Variants in SBF2 observed in about 807,000 individuals in gnomAD.
The protein encoded by SBF2 is myotubularin-related protein 13.
A neutral mutation model predicts 225.2 loss-of-function variants in SBF2; 112 were observed. The observed-to-expected ratio is 0.50, with a 90% CI of 0.43 to 0.58. The LOEUF is 0.58. Ranked by LOEUF, SBF2 falls within the 20% of genes least tolerant of loss-of-function variation. SBF2 has a pLI of 0.00. For missense variants in SBF2, 1,996 were observed against 2,206.2 expected (o/e 0.90, Z 1.91); for synonymous variants, 763 against 773.3 (o/e 0.99, Z 0.22).
chr11:10,022,699 A>G (rs1048511622), intron 6 of SBF2, among the ~76,000 whole-genome samples: 1 of 151,630 alleles, frequency 6.6e-6, no homozygotes, highest in Non-Finnish European at 1.5e-5. Context: ...AGTTTTTATC[A>G]CCCAAAAGTA....
At position 9,838,236 on chromosome 11, in the gene SBF2, A is replaced by G. The variant is rs375262827; in HGVS notation, c.3455+1262T>C. 14 of 149,014 alleles carry G rather than the reference A, an allele frequency of 9.4e-5. 1 individual carries two copies. The highest frequency in any genetic ancestry group is 3.5e-4 in the African/African-American group (14 of 40,376). 9.2% of individuals were successfully genotyped at this position (149,014 alleles called of 1,614,324 possible). A position where few individuals can be genotyped will look rare whatever the true frequency, so the allele number is the denominator to read the frequency against. ...CTTTTGGATTATTTTTTATTATTCC[A>G]TTTCCTTCCTGCTAATAACTTAATG... is the stretch of plus-strand genomic sequence containing the variant. On this transcript the variant is annotated intron_variant, in intron 26 of 39. Coordinates refer to ENST00000256190, the MANE Select transcript of SBF2 (RefSeq NM_030962.4).
At chr11:10,211,963 C>T (rs1227463264) in intron 1 of SBF2, among the ~76,000 whole-genome samples, 1 of 152,168 alleles carries the variant, frequency 6.6e-6, no homozygotes, top group African/African-American at 2.4e-5. Context: ...TGATAATACA[C>T]CATCATTCTC....
intron 2 of SBF2, among the ~76,000 whole-genome samples, chr11:10,048,655 T>A (rs1949958650): frequency 6.6e-6 from 1 of 152,222 alleles, no homozygotes; most frequent in African/African-American, 2.4e-5. Context: ...TTATCAATGA[T>A]AAAATATGAG....
chr11:10,100,513 A>G (rs908160322), intron 2 of SBF2, among the ~76,000 whole-genome samples: 1 of 152,216 alleles, frequency 6.6e-6, no homozygotes, highest in Non-Finnish European at 1.5e-5. Context: ...CAATAGAGAA[A>G]CAGTCCTGGG....
intron 2 of SBF2, among the ~76,000 whole-genome samples, chr11:10,136,918 A>T (rs1954387475): frequency 6.6e-6 from 1 of 152,134 alleles, no homozygotes; most frequent in Non-Finnish European, 1.5e-5. Flanking sequence ...TCAACTTTCC[A>T]TATATATAAT....
At chr11:10,166,659 T>G (rs770756282) in intron 2 of SBF2, among the ~76,000 whole-genome samples, 4 of 152,070 alleles carry the variant, frequency 2.6e-5, no homozygotes, top group African/African-American at 4.8e-5. Context: ...TAGAATTATT[T>G]TTTCCTTAAA....
chr11:10,139,442 A>G, intron 2 of SBF2, among the ~76,000 whole-genome samples: 1 of 152,204 alleles, frequency 6.6e-6, no homozygotes, highest in East Asian at 1.9e-4. Context: ...TGAACACTTC[A>G]AATTAGCGTA....
At chr11:9,882,255 C>T (rs1458354755) in intron 17 of SBF2, among the ~76,000 whole-genome samples, 2 of 152,116 alleles carry the variant, frequency 1.3e-5, no homozygotes, top group Non-Finnish European at 2.9e-5. Context: ...AATTTTTTAA[C>T]CTTGAAAACT....
At chr11:9,878,069 A>C (rs1411166081) in intron 17 of SBF2, among the ~76,000 whole-genome samples, 1 of 152,070 alleles carries the variant, frequency 6.6e-6, no homozygotes, top group Non-Finnish European at 1.5e-5. Context: ...TTGTTTCCTG[A>C]CTTTTTAATG....
chr11:9,949,251 T>A (rs1237790969), intron 16 of SBF2, among the ~76,000 whole-genome samples: 1 of 152,296 alleles, frequency 6.6e-6, no homozygotes. Flanking sequence ...GTCATCTTAT[T>A]AGTAAAAATA....
intron 2 of SBF2, among the ~76,000 whole-genome samples, chr11:10,128,303 A>G (rs1428659337): frequency 3.3e-5 from 5 of 152,242 alleles, no homozygotes; most frequent in Non-Finnish European, 7.3e-5. Context: ...ACCTAAACAC[A>G]GAAGTTGGGA....
At chr11:9,865,993 C>G (rs761710151) in intron 17 of SBF2, among the ~76,000 whole-genome samples, 53 of 152,030 alleles carry the variant, frequency 3.5e-4, no homozygotes, top group Non-Finnish European at 4.1e-4. Flanking sequence ...ATTTCAACTG[C>G]CAACTATTAA....
At chr11:9,871,110 CCAAAAGCAATTGCAA>C (rs1858696813) in intron 17 of SBF2, among the ~76,000 whole-genome samples, 1 of 151,838 alleles carries the variant, frequency 6.6e-6, no homozygotes, top group Non-Finnish European at 1.5e-5. Flanking sequence ...AATGAAAGCA[CCAAAAGCAATTGCAA>C]CAAAAGCAAA....
intron 28 of SBF2, chr11:9,828,505 T>G: frequency 3.0e-6 from 3 of 985,484 alleles, no homozygotes; most frequent in Non-Finnish European, 3.6e-6. Context: ...AGCCACTTTC[T>G]GCTTATGTTG....
chr11:9,925,966 C>CAT (rs10624285), intron 16 of SBF2, among the ~76,000 whole-genome samples: 77,593 of 151,650 alleles, frequency 0.51, 20,252 homozygotes, highest in African/African-American at 0.6. Context: ...AACGTGATAA[C>CAT]GTTTTCCATG....
At chr11:9,952,394 A>AT (rs1865911594) in intron 16 of SBF2, among the ~76,000 whole-genome samples, 1 of 152,118 alleles carries the variant, frequency 6.6e-6, no homozygotes, top group South Asian at 2.1e-4. Flanking sequence ...CCAATCCTCT[A>AT]TTTTTTATGT....
intron 28 of SBF2, among the ~76,000 whole-genome samples, chr11:9,827,459 T>C (rs1319654781): frequency 1.3e-5 from 2 of 150,936 alleles, no homozygotes; most frequent in African/African-American, 4.9e-5. Flanking sequence ...AGCCCAGGAG[T>C]TGGAGGCTGC....
At chr11:9,963,719 A>G in intron 15 of SBF2, 54 bp downstream of exon 15, 1 of 878,188 alleles carries the variant, frequency 1.1e-6, no homozygotes, top group Non-Finnish European at 1.9e-6. Context: ...CTCAGCACGT[A>G]AATCTGAAAG....
At chr11:10,205,423 T>A (rs1429229411) in intron 1 of SBF2, among the ~76,000 whole-genome samples, 1 of 151,886 alleles carries the variant, frequency 6.6e-6, no homozygotes, top group Admixed American at 6.6e-5. Context: ...AGGAGAACTC[T>A]GAAAGGTGGT....
Sources: gnomAD v4.1 joint callset for allele counts (sites outside exome capture counted in the v4.1 genomes callset) on GRCh38, gnomAD v4.1.1 for gene constraint, MANE v1.5 for transcripts, NCBI Gene and HGNC (gene_info 2026-07-23, HGNC 2026-07-21) for gene names.